The following TPD52L1 variants were observed in gnomAD, a reference collection of about 807,000 sequenced individuals.
TPD52L1 encodes the protein tumor protein D53.
A neutral mutation model predicts 28.7 loss-of-function variants in TPD52L1; 18 were observed. The observed-to-expected ratio is 0.63, with a 90% CI of 0.43 to 0.93. TPD52L1 has a LOEUF of 0.93. Ranked by LOEUF, TPD52L1 falls within the 40% of genes least tolerant of loss-of-function variation. The probability of loss-of-function intolerance (pLI) is 0.00; values close to 1 mark genes in which losing one functional copy is unlikely to be tolerated. For missense variants in TPD52L1, 203 were observed against 254.8 expected, an observed-to-expected ratio of 0.80 and a Z score of 1.39; for synonymous variants, 75 against 88.8, an observed-to-expected ratio of 0.84 and a Z score of 0.88.
chr6:125,233,464 T>C (rs1236370555), intron 3 of TPD52L1, among the ~76,000 whole-genome samples: 1 of 152,210 alleles, frequency 6.6e-6, no homozygotes, highest in African/African-American at 2.4e-5. Flanking sequence ...TTAAAAGATG[T>C]ACACACCCAA....
chr6:125,255,014 T>C (rs528618930), intron 5 of TPD52L1, among the ~76,000 whole-genome samples: 1 of 152,334 alleles, frequency 6.6e-6, no homozygotes, highest in South Asian at 2.1e-4. Context: ...AGATTCAAGA[T>C]TGCTTAATTC....
chr6:125,229,343 C>A, intron 3 of TPD52L1, 77 bp downstream of exon 3: 1 of 1,414,372 alleles, frequency 7.1e-7, no homozygotes, highest in Non-Finnish European at 9.4e-7. Flanking sequence ...TTCATTTTTC[C>A]TACAAGGCTG....
At chr6:125,255,914 A>T (rs1429065934) in intron 5 of TPD52L1, among the ~76,000 whole-genome samples, 1 of 152,182 alleles carries the variant, frequency 6.6e-6, no homozygotes, top group Non-Finnish European at 1.5e-5. Context: ...GGTATTTTTA[A>T]TGGTGGTGAT....
At chr6:125,175,010 CAT>C (rs759834174) in intron 1 of TPD52L1, among the ~76,000 whole-genome samples, 4 of 152,050 alleles carry the variant, frequency 2.6e-5, no homozygotes, top group Non-Finnish European at 4.4e-5. Context: ...TGTTTATTTA[CAT>C]ATATATGTGT....
intron 1 of TPD52L1, among the ~76,000 whole-genome samples, chr6:125,219,089 C>G (rs945179635): frequency 1.3e-5 from 2 of 151,986 alleles, no homozygotes; most frequent in South Asian, 2.1e-4. Flanking sequence ...CTCCAGGGAC[C>G]CCTTTGTATT....
intron 3 of TPD52L1, among the ~76,000 whole-genome samples, chr6:125,240,479 G>A (rs375969654): frequency 2.6e-5 from 4 of 152,022 alleles, no homozygotes; most frequent in East Asian, 3.8e-4. Context: ...ATTTGTTTGT[G>A]TTATCTTTGG....
rs530972203 is a variant in TPD52L1, at chr6:125,262,579, C to A, written c.487-255C>A. 16 of 374,922 alleles carry A rather than the reference C, an allele frequency of 4.3e-5. 1 individual carries two copies. Among genetic ancestry groups the A allele is most frequent in the African/African-American group, 2.7e-4 (13 of 48,158 alleles). 23.2% of individuals were successfully genotyped at this position (374,922 alleles called of 1,614,324 possible). A position where few individuals can be genotyped will look rare whatever the true frequency, so the allele number is the denominator to read the frequency against. On this transcript the variant is annotated intron_variant, in intron 6 of 6. Coordinates refer to ENST00000534000, the MANE Select transcript of TPD52L1 (RefSeq NM_003287.4). ...ATTATGCTCCTGAAGGGATTAAAAT[C>A]TTAGATACAGGAGAGATAAAGAGAG...
At chr6:125,196,820 G>C (rs507575) in intron 1 of TPD52L1, among the ~76,000 whole-genome samples, 1 of 152,098 alleles carries the variant, frequency 6.6e-6, no homozygotes, top group Non-Finnish European at 1.5e-5. Flanking sequence ...GTATGGAGGT[G>C]AGCGTGAATA....
At chr6:125,253,505 G>A (rs757188512) in intron 4 of TPD52L1, 62 of 553,142 alleles carry the variant, frequency 1.1e-4, no homozygotes, top group Middle Eastern at 4.8e-4. Context: ...ATGCAACCAC[G>A]GATCCACCAT....
At chr6:125,237,851 G>A (rs575303655) in intron 3 of TPD52L1, among the ~76,000 whole-genome samples, 47 of 152,156 alleles carry the variant, frequency 3.1e-4, no homozygotes, top group African/African-American at 1.1e-3. Flanking sequence ...GTAGAGACAG[G>A]GTTTCACCAT....
Position 125,241,117 on chromosome 6 carries a change from A to G in TPD52L1, c.285-7165A>G, listed in dbSNP as rs184543318. Among the ~76,000 whole-genome samples, 37 of 152,152 alleles carry G rather than the reference A, an allele frequency of 2.4e-4. No individual in the cohort carries two copies. The East Asian group carries it at 7.0e-3, about 29-fold the overall frequency. The stretch of plus-strand genomic sequence containing the variant: ...TTTTGTTTTTAATTCTGTTTATGTA[A>G]TGTATCACATTTATTGACTTGCATA... On this transcript the variant is annotated intron_variant, in intron 3 of 6. Coordinates refer to ENST00000534000, the MANE Select transcript of TPD52L1 (RefSeq NM_003287.4).
chr6:125,181,698 T>G (rs889668734), intron 1 of TPD52L1, among the ~76,000 whole-genome samples: 3 of 152,220 alleles, frequency 2.0e-5, no homozygotes, highest in African/African-American at 7.2e-5. Context: ...TCTGATGAAC[T>G]AGAATGGATG....
chr6:125,257,233 A>C, intron 6 of TPD52L1, 75 bp downstream of exon 6: 1 of 1,330,432 alleles, frequency 7.5e-7, no homozygotes, highest in Non-Finnish European at 1.1e-6. Context: ...GGTTAGTTTA[A>C]AGTCGAGGCA....
intron 1 of TPD52L1, among the ~76,000 whole-genome samples, chr6:125,181,243 T>C (rs572765425): frequency 2.0e-5 from 3 of 152,306 alleles, no homozygotes; most frequent in African/African-American, 7.2e-5. Flanking sequence ...TAAAGAACTA[T>C]GTCAAGATCA....
intron 1 of TPD52L1, among the ~76,000 whole-genome samples, chr6:125,159,926 G>A (rs912969411): frequency 7.9e-5 from 12 of 152,124 alleles, no homozygotes; most frequent in African/African-American, 2.9e-4. Flanking sequence ...CCATTGGGAG[G>A]TAATTGAATC....
intron 2 of TPD52L1, among the ~76,000 whole-genome samples, chr6:125,226,533 G>A (rs1435511063): frequency 6.6e-6 from 1 of 151,920 alleles, no homozygotes; most frequent in Non-Finnish European, 1.5e-5. Context: ...GGGGCTCCAT[G>A]GCTATGAGGT....
At chr6:125,230,676 G>A (rs534785305) in intron 3 of TPD52L1, among the ~76,000 whole-genome samples, 1 of 152,240 alleles carries the variant, frequency 6.6e-6, no homozygotes, top group South Asian at 2.1e-4. Context: ...GGTCTAAAAC[G>A]AGCATGACAT....
intron 2 of TPD52L1, among the ~76,000 whole-genome samples, chr6:125,226,485 A>G (rs1795618737): frequency 6.6e-6 from 1 of 152,120 alleles, no homozygotes; most frequent in Non-Finnish European, 1.5e-5. Flanking sequence ...ATAACAAATG[A>G]ATAATCCACA....
chr6:125,199,202 TG>T (rs1435638289), intron 1 of TPD52L1, among the ~76,000 whole-genome samples: 1 of 152,226 alleles, frequency 6.6e-6, no homozygotes, highest in Non-Finnish European at 1.5e-5. Context: ...ATTTGTTTAT[TG>T]GACAATAGAT....
Sources: allele counts gnomAD v4.1 joint callset (sites outside exome capture counted in the v4.1 genomes callset), GRCh38; gene constraint gnomAD v4.1.1; transcripts MANE v1.5; gene names NCBI Gene and HGNC (gene_info 2026-07-23, HGNC 2026-07-21).